ZNF654: variants seen among roughly 807,000 people sequenced by gnomAD.
ZNF654 encodes the protein zinc finger protein 654, also known as melanoma-associated antigen.
A neutral mutation model predicts 95.3 loss-of-function variants in ZNF654; 19 were observed. The observed-to-expected ratio is 0.20, with a 90% CI of 0.14 to 0.29. The LOEUF (loss-of-function observed/expected upper bound fraction) is 0.29. Among genes scored for constraint, ZNF654 ranks in the 10% least tolerant of loss-of-function variants. The pLI, the probability that ZNF654 is intolerant of heterozygous loss-of-function variation, is 1.00. For synonymous variants in ZNF654, 413 were observed against 457.9 expected, an observed-to-expected ratio of 0.90 and a Z score of 1.25; for missense variants, 1,046 against 1,341.0, an observed-to-expected ratio of 0.78 and a Z score of 3.44.
intron 1 of ZNF654, among the ~76,000 whole-genome samples, chr3:88,071,460 C>T (rs1056361479): frequency 4.6e-5 from 7 of 152,098 alleles, no homozygotes; most frequent in East Asian, 1.9e-4. Flanking sequence ...CTGGCTAACA[C>T]GGTGAAACCC....
intron 3 of ZNF654, among the ~76,000 whole-genome samples, chr3:88,123,023 A>G (rs1705869788): frequency 6.6e-6 from 1 of 151,656 alleles, no homozygotes; most frequent in South Asian, 2.1e-4. Context: ...AAAAAAAAAA[A>G]AAAGTAAAAA....
At chr3:88,111,633 A>G (rs1238841226) in intron 2 of ZNF654, among the ~76,000 whole-genome samples, 3 of 151,996 alleles carry the variant, frequency 2.0e-5, no homozygotes, top group African/African-American at 4.8e-5. Flanking sequence ...TTTTGCTTCT[A>G]TAAACCATTT....
chr3:88,130,597 T>G, intron 6 of ZNF654, among the ~76,000 whole-genome samples: 1 of 148,722 alleles, frequency 6.7e-6, no homozygotes, highest in Non-Finnish European at 1.5e-5. Flanking sequence ...ACTACAGATG[T>G]GTGCAACCAT....
rs1707260492 is a variant in ZNF654 at position 88,144,410 on chromosome 3, AAC to A, written c.*2761_*2762del. The A allele has an allele frequency of 6.6e-6, 1 of 152,424 alleles. No homozygotes were observed. The highest frequency in any genetic ancestry group is 2.1e-4 in the South Asian group (1 of 4,832). The allele number at this position is 152,424 out of a possible 1,614,324, so 9.4% of individuals were successfully genotyped here. On this transcript the variant is annotated 3_prime_UTR_variant, in exon 9 of 9. Coordinates refer to ENST00000636215, the MANE Select transcript of ZNF654 (RefSeq NM_001350134.2). Reference sequence around the variant, plus strand: ...TTTTTTAATTTATTTGGTACTGTAAAACACCTTTTCAGAATGAGTAAATGCTG... The same window carrying A: ...TTTTTTAATTTATTTGGTACTGTAAAACCTTTTCAGAATGAGTAAATGCTG...
chr3:88,126,182 G>A lies in ZNF654; in HGVS notation c.463G>A (p.Val155Met). Reference sequence around the variant, plus strand: ...ATATGGAAATGTGAATCTGGAACTGGTGACTCGAATCATTAGAGATGGTGG... The same window carrying A: ...ATATGGAAATGTGAATCTGGAACTGATGACTCGAATCATTAGAGATGGTGG... ...RRYGNVNLEL[V>M]TRIIRDGGPW... Residue 155 changes from valine to methionine, a missense_variant, in exon 4 of 9, where the codon GTG (valine) becomes ATG (methionine). This residue lies in a region of ZNF654 where 91 missense variants were observed against 190.5 expected (regional missense o/e 0.48). Coordinates refer to ENST00000636215, the MANE Select transcript of ZNF654 (RefSeq NM_001350134.2). 6.6e-7 allele frequency: 1 copy of A among 1,525,998 alleles called. No individual in the cohort carries two copies. The highest frequency in any genetic ancestry group is 8.8e-7 in the Non-Finnish European group (1 of 1,140,360). The allele number at this position is 1,525,998 out of a possible 1,614,324, so 94.5% of individuals were successfully genotyped here.
chr3:88,141,708 A>G lies in ZNF654; in HGVS notation c.*56A>G. ...AGCAGTAGTGTGAAAAAAGCACTATAAGAAAATGCATCATCAGTTTGCTAT... is the reference window on the plus strand; with the variant it reads ...AGCAGTAGTGTGAAAAAAGCACTATGAGAAAATGCATCATCAGTTTGCTAT... On this transcript the variant is annotated 3_prime_UTR_variant, in exon 9 of 9. Transcript: ENST00000636215. 3.0e-6 allele frequency: 4 copies of G among 1,354,448 alleles called. No individual in the cohort carries two copies. Among genetic ancestry groups the G allele is most frequent in the Non-Finnish European group, 4.0e-6 (4 of 1,002,894 alleles). 83.9% of individuals were successfully genotyped at this position (1,354,448 alleles called of 1,614,324 possible).
In ZNF654 at chr3:88,140,422, G is replaced by A. The variant is rs1008952261; in HGVS notation, c.2753G>A (p.Arg918Lys). The change falls in exon 8 of 9, where the codon AGG becomes AAG. Residue 918 changes from arginine (R) to lysine (K), a missense_variant. Arg to Lys is a conservative substitution (Grantham distance 26). This residue lies in a region of ZNF654 where 495 missense variants were observed against 537.0 expected (regional missense o/e 0.92). Coordinates refer to ENST00000636215, the MANE Select transcript of ZNF654 (RefSeq NM_001350134.2). ...ISLPVSTSKS[R>K]KESTEPKTCI... Reference sequence around the variant, plus strand: ...CTGCCAGTTTCTACTAGCAAATCAAGGAAAGAGTCTACAGAACCAAAGACA... The same window carrying A: ...CTGCCAGTTTCTACTAGCAAATCAAAGAAAGAGTCTACAGAACCAAAGACA... The A allele has an allele frequency of 6.2e-7, 1 of 1,613,274 alleles. No homozygotes were observed.
At chr3:88,081,434 G>C (rs2107646533) in intron 1 of ZNF654, among the ~76,000 whole-genome samples, 1 of 152,234 alleles carries the variant, frequency 6.6e-6, no homozygotes, top group East Asian at 1.9e-4. Context: ...ATCGATGCAT[G>C]GATGTTGTCT....
intron 1 of ZNF654, among the ~76,000 whole-genome samples, chr3:88,075,709 T>A (rs1470779232): frequency 1.3e-5 from 2 of 152,228 alleles, no homozygotes; most frequent in South Asian, 4.1e-4. Context: ...TTTTTGTGTT[T>A]GTTTACATTT....
At chr3:88,136,390 T>G (rs780953699) in intron 7 of ZNF654, among the ~76,000 whole-genome samples, 5 of 152,182 alleles carry the variant, frequency 3.3e-5, no homozygotes, top group Non-Finnish European at 5.9e-5. Flanking sequence ...TAGTTTATAC[T>G]CTACTAAAAA....
intron 6 of ZNF654, among the ~76,000 whole-genome samples, chr3:88,130,073 T>C (rs1448751695): frequency 6.6e-6 from 1 of 152,232 alleles, no homozygotes. Context: ...TGAAATTAAA[T>C]TTTAATTTGG....
intron 2 of ZNF654, chr3:88,095,970 G>T (rs530198024): frequency 2.6e-4 from 79 of 304,516 alleles, no homozygotes; most frequent in Admixed American, 3.6e-4. Flanking sequence ...TTTCTTTCCC[G>T]TGTTGCACTG....
At chr3:88,101,926 T>C (rs183531287) in intron 2 of ZNF654, among the ~76,000 whole-genome samples, 70 of 152,316 alleles carry the variant, frequency 4.6e-4, no homozygotes, top group African/African-American at 1.5e-3. Flanking sequence ...AAGCATCTTT[T>C]TGTATGCTTT....
Position 88,140,337 on chromosome 3 carries a change from A to G in ZNF654, c.2668A>G (p.Thr890Ala). 6.2e-7 allele frequency: 1 copy of G among 1,613,662 alleles called. No homozygotes were observed. Among genetic ancestry groups the G allele is most frequent in the Non-Finnish European group, 8.5e-7 (1 of 1,179,720 alleles). ...PSETILWDVQTDSNPNQEKDS... is the reference protein window; with the variant it reads ...PSETILWDVQADSNPNQEKDS... Reference sequence around the variant, plus strand: ...TGAAACAATTCTTTGGGATGTTCAGACAGACTCAAATCCTAATCAGGAAAA... The same window carrying G: ...TGAAACAATTCTTTGGGATGTTCAGGCAGACTCAAATCCTAATCAGGAAAA... Residue 890 changes from threonine (T) to alanine (A), a missense_variant, in exon 8 of 9, where the codon ACA becomes GCA. Thr to Ala is a moderately conservative substitution (Grantham distance 58, BLOSUM62 0). Coordinates refer to ENST00000636215, the MANE Select transcript of ZNF654 (RefSeq NM_001350134.2).
In ZNF654 at chr3:88,143,617, A is replaced by G. The variant is rs936033610; in HGVS notation, c.*1965A>G. 1 of 152,310 alleles carries G rather than the reference A, an allele frequency of 6.6e-6. No individual in the cohort carries two copies. Among genetic ancestry groups the G allele is most frequent in the African/African-American group, 2.4e-5 (1 of 41,430 alleles). The allele number at this position is 152,310 out of a possible 1,614,324, so 9.4% of individuals were successfully genotyped here. ...AAGTTGTAACAATTGATATAAATCCATGCCCACAAAGTATTCCATTTTCAT... is the reference window on the plus strand; with the variant it reads ...AAGTTGTAACAATTGATATAAATCCGTGCCCACAAAGTATTCCATTTTCAT... On this transcript the variant is annotated 3_prime_UTR_variant, in exon 9 of 9. Coordinates refer to ENST00000636215, the MANE Select transcript of ZNF654 (RefSeq NM_001350134.2).
intron 2 of ZNF654, among the ~76,000 whole-genome samples, chr3:88,099,659 G>A (rs558823018): frequency 2.6e-5 from 4 of 152,270 alleles, no homozygotes; most frequent in Admixed American, 2.0e-4. Context: ...AGAGCCCTCA[G>A]AAATAATACC....
chr3:88,108,854 G>A (rs1427649217), intron 2 of ZNF654, among the ~76,000 whole-genome samples: 2 of 152,026 alleles, frequency 1.3e-5, no homozygotes, highest in Non-Finnish European at 2.9e-5. Context: ...GTATGCTGAG[G>A]TTGCTAAAAT....
At chr3:88,121,490 G>C (rs1035684472) in intron 3 of ZNF654, among the ~76,000 whole-genome samples, 26 of 151,858 alleles carry the variant, frequency 1.7e-4, no homozygotes, top group African/African-American at 6.3e-4. Flanking sequence ...TGTTATAACT[G>C]TCCCCTTTAT....
Position 88,139,755 on chromosome 3 carries a change from TGTG to T in ZNF654, c.2088_2090del (p.Cys696_Gly697delinsTrp), listed in dbSNP as rs1707003864. ...TAATGTTTTCAAGCCTTTAACTGAA[TGTG>T]GGGATGATTATGAGGAGGAAGAGGA... is the stretch of plus-strand genomic sequence containing the variant. On this transcript the variant is annotated inframe_deletion, in exon 8 of 9. Transcript: ENST00000636215. 5.1e-6 allele frequency: 8 copies of T among 1,554,566 alleles called. No homozygotes were observed. Among genetic ancestry groups the T allele is most frequent in the Non-Finnish European group, 6.1e-6 (7 of 1,148,384 alleles).
Sources: allele counts gnomAD v4.1 joint callset (sites outside exome capture counted in the v4.1 genomes callset), GRCh38; gene constraint gnomAD v4.1.1; regional missense constraint gnomAD v4.1.1; transcripts MANE v1.5; gene names NCBI Gene and HGNC (gene_info 2026-07-23, HGNC 2026-07-21).